DGKB: variants seen among roughly 807,000 people sequenced by gnomAD.
DGKB encodes 90 kDa diacylglycerol kinase.
A neutral mutation model predicts 114.3 loss-of-function variants in DGKB; 67 were observed. The observed-to-expected ratio is 0.59, with a 90% CI of 0.48 to 0.72. DGKB has a LOEUF of 0.72. DGKB is among the 30% of genes least tolerant of loss of function. The pLI is 0.00. For missense variants in DGKB, 907 were observed against 975.2 expected, an observed-to-expected ratio of 0.93 and a Z score of 0.93; for synonymous variants, 398 against 323.1, an observed-to-expected ratio of 1.23 and a Z score of -2.49.
intron 1 of DGKB, among the ~76,000 whole-genome samples, chr7:14,937,882 T>C (rs188154373): frequency 6.6e-6 from 1 of 152,336 alleles, no homozygotes; most frequent in Admixed American, 6.5e-5. Context: ...TCCTCTTCTT[T>C]AATGATTTTC....
chr7:14,762,699 C>G (rs144634585), intron 2 of DGKB, among the ~76,000 whole-genome samples: 9 of 152,176 alleles, frequency 5.9e-5, no homozygotes, highest in Non-Finnish European at 1.3e-4. Flanking sequence ...TCAACACATA[C>G]TTGTCAGATT....
chr7:14,309,489 C>G (rs955557834), intron 23 of DGKB, among the ~76,000 whole-genome samples: 1 of 152,150 alleles, frequency 6.6e-6, no homozygotes, highest in African/African-American at 2.4e-5. Context: ...CAGCAGATTT[C>G]AAAGAATTCT....
rs560083238 is a variant in DGKB, at chr7:14,443,883, C to A, written c.1835+34278G>T. Among the ~76,000 whole-genome samples the A allele has an allele frequency of 3.0e-4, 45 of 151,916 alleles. No individual in the cohort carries two copies. In the South Asian group the frequency reaches 8.7e-3, roughly 29 times the overall value. ...CTGTTACTTTAAATATTAGCTCTCT[C>A]ACCTTCTATTTATCATTTACTTCTG... On this transcript the variant is annotated intron_variant, in intron 21 of 25. Coordinates refer to ENST00000402815, the MANE Select transcript of DGKB (RefSeq NM_001350709.2).
intron 2 of DGKB, among the ~76,000 whole-genome samples, chr7:14,769,878 T>C (rs1837159246): frequency 6.6e-6 from 1 of 152,114 alleles, no homozygotes; most frequent in Non-Finnish European, 1.5e-5. Flanking sequence ...TTAGAGCCTA[T>C]CAGAAATCCA....
chr7:14,547,624 C>A (rs535211814), intron 20 of DGKB, among the ~76,000 whole-genome samples: 1 of 152,098 alleles, frequency 6.6e-6, no homozygotes, highest in Non-Finnish European at 1.5e-5. Context: ...GGAATACACT[C>A]TCATTTATCA....
At chr7:14,896,862 G>T (rs1782185183) in intron 1 of DGKB, among the ~76,000 whole-genome samples, 1 of 151,794 alleles carries the variant, frequency 6.6e-6, no homozygotes. Context: ...TTCATATTGA[G>T]AAATTATATA....
chr7:14,545,208 A>G (rs1159198024), intron 20 of DGKB, among the ~76,000 whole-genome samples: 1 of 152,144 alleles, frequency 6.6e-6, no homozygotes, highest in Non-Finnish European at 1.5e-5. Flanking sequence ...CATGATACAC[A>G]GTACATTTTT....
chr7:14,160,303 G>T (rs1474089151), intron 25 of DGKB, among the ~76,000 whole-genome samples: 4 of 152,032 alleles, frequency 2.6e-5, no homozygotes, highest in East Asian at 3.9e-4. Flanking sequence ...AGAAATAAAA[G>T]GTATTCAAAT....
At chr7:14,932,446 T>G (rs1008465258) in intron 1 of DGKB, among the ~76,000 whole-genome samples, 1 of 152,216 alleles carries the variant, frequency 6.6e-6, no homozygotes, top group East Asian at 1.9e-4. Flanking sequence ...AAATAAAGAC[T>G]GTTTATCTTT....
chr7:14,160,934 A>T (rs1011066868), intron 25 of DGKB, among the ~76,000 whole-genome samples: 33 of 152,216 alleles, frequency 2.2e-4, no homozygotes, highest in African/African-American at 7.2e-4. Context: ...TATATAGACC[A>T]ATGGAACAAG....
chr7:14,292,040 G>A (rs1289795227), intron 23 of DGKB, among the ~76,000 whole-genome samples: 6 of 152,068 alleles, frequency 3.9e-5, no homozygotes. Flanking sequence ...TCCTTTTAAA[G>A]TGTGAATGTT....
chr7:14,932,881 AG>A (rs1418213650), intron 1 of DGKB, among the ~76,000 whole-genome samples: 2 of 152,212 alleles, frequency 1.3e-5, no homozygotes. Context: ...AGTGAGTGAT[AG>A]GAACTTTATG....
intron 23 of DGKB, among the ~76,000 whole-genome samples, chr7:14,305,210 T>C: frequency 6.6e-6 from 1 of 152,154 alleles, no homozygotes; most frequent in Non-Finnish European, 1.5e-5. Context: ...CCTACTGTGC[T>C]ATTGAACACT....
In DGKB at chr7:14,172,475, T is replaced by C. The variant is rs142588563; in HGVS notation, c.2304+4364A>G. On this transcript the variant is annotated intron_variant, in intron 25 of 25. Transcript: ENST00000402815. The stretch of plus-strand genomic sequence containing the variant: ...AGGAAAAGATTCCAGAAATAGGTCA[T>C]ATCATTATATGGACACGTAAATTGG... 8.4e-3 allele frequency among the ~76,000 whole-genome samples: 1,274 copies of C among 152,280 alleles called. 14 individuals are homozygous for C. Among genetic ancestry groups the C allele is most frequent in the Admixed American group, 0.016 (240 of 15,294 alleles).
intron 1 of DGKB, among the ~76,000 whole-genome samples, chr7:14,958,596 C>A (rs1203102129): frequency 6.6e-6 from 1 of 152,028 alleles, no homozygotes. Context: ...CCCAAAAATG[C>A]CATTTCCTTT....
chr7:14,899,959 T>A (rs574656097), intron 1 of DGKB, among the ~76,000 whole-genome samples: 3 of 152,118 alleles, frequency 2.0e-5, no homozygotes, highest in African/African-American at 7.2e-5. Context: ...TTTCAGAAAT[T>A]TGTTTATTCC....
At chr7:14,392,426 G>C (rs536411521) in intron 21 of DGKB, among the ~76,000 whole-genome samples, 2 of 152,068 alleles carry the variant, frequency 1.3e-5, no homozygotes, top group Non-Finnish European at 2.9e-5. Context: ...AGAAACATAA[G>C]TTATTTCTGC....
intron 13 of DGKB, among the ~76,000 whole-genome samples, chr7:14,633,072 C>G (rs966640818): frequency 5.3e-5 from 8 of 151,854 alleles, no homozygotes; most frequent in African/African-American, 1.9e-4. Flanking sequence ...TGAAACCTAG[C>G]TACCACTTTG....
At chr7:14,193,574 G>A (rs1027220066) in intron 23 of DGKB, among the ~76,000 whole-genome samples, 1 of 152,180 alleles carries the variant, frequency 6.6e-6, no homozygotes, top group Non-Finnish European at 1.5e-5. Context: ...TAAATGTAAA[G>A]TTTGAAACTA....
Sources: allele counts gnomAD v4.1 joint callset (sites outside exome capture counted in the v4.1 genomes callset), GRCh38; gene constraint gnomAD v4.1.1; transcripts MANE v1.5; gene names NCBI Gene and HGNC (gene_info 2026-07-23, HGNC 2026-07-21).